The following BAIAP2L1 variants were observed in gnomAD, a reference collection of about 807,000 sequenced individuals.
BAIAP2L1 encodes the protein BAR/IMD domain containing adaptor protein 2 like 1.
Under a neutral mutation model 66.3 loss-of-function variants are expected in BAIAP2L1, and 35 were observed. The ratio of observed to expected loss-of-function variants is 0.53; its 90% CI spans 0.40 to 0.70. BAIAP2L1 has a LOEUF of 0.70. Among genes scored for constraint, BAIAP2L1 ranks in the 30% least tolerant of loss-of-function variants. BAIAP2L1 has a pLI of 0.00. For missense variants in BAIAP2L1, 622 were observed against 656.9 expected (o/e 0.95, Z 0.58); for synonymous variants, 269 against 248.7 (o/e 1.08, Z -0.77).
intron 2 of BAIAP2L1, among the ~76,000 whole-genome samples, chr7:98,357,411 A>G (rs1390120336): frequency 6.6e-6 from 1 of 151,370 alleles, no homozygotes; most frequent in African/African-American, 2.4e-5. Context: ...CACTAAAAAT[A>G]CAAAAATTAG....
chr7:98,379,131 A>G (rs1008632325), intron 1 of BAIAP2L1, among the ~76,000 whole-genome samples: 6 of 152,070 alleles, frequency 3.9e-5, no homozygotes, highest in African/African-American at 1.4e-4. Context: ...CGCCCGCTTC[A>G]GCCTCCCAAA....
chr7:98,377,220 T>G (rs1368469814), intron 1 of BAIAP2L1, among the ~76,000 whole-genome samples: 1 of 152,216 alleles, frequency 6.6e-6, no homozygotes, highest in Non-Finnish European at 1.5e-5. Context: ...CATCTATTTC[T>G]TGACTGACAG....
At chr7:98,387,551 C>T (rs566807827) in intron 1 of BAIAP2L1, among the ~76,000 whole-genome samples, 3 of 152,080 alleles carry the variant, frequency 2.0e-5, no homozygotes, top group East Asian at 1.9e-4. Context: ...TGCGCCACCA[C>T]GATAAGGGAT....
rs1055556437 is a variant in BAIAP2L1, at chr7:98,325,878, G to A, written c.215-5580C>T. ...GTCACCACACTGAATCAGTGCGGAG[G>A]CAGATGAGCAACCACAAACGTGATC... On this transcript the variant is annotated intron_variant, in intron 3 of 13. Transcript: ENST00000005260. 3.1e-4 allele frequency among the ~76,000 whole-genome samples: 47 copies of A among 152,336 alleles called. 1 individual carries two copies. The highest frequency in any genetic ancestry group is 1.1e-3 in the African/African-American group (46 of 41,592).
intron 3 of BAIAP2L1, among the ~76,000 whole-genome samples, chr7:98,330,428 C>T (rs185933111): frequency 8.5e-5 from 13 of 152,202 alleles, no homozygotes; most frequent in African/African-American, 2.9e-4. Context: ...GAGACCGAGG[C>T]GGGCGGATCA....
chr7:98,316,977 C>T (rs1801093536), intron 6 of BAIAP2L1, among the ~76,000 whole-genome samples: 1 of 54,332 alleles, frequency 1.8e-5, no homozygotes, highest in Non-Finnish European at 4.5e-5. Context: ...AATTCTCCTG[C>T]CTCAGCCTCC....
chr7:98,330,036 T>G (rs1801458542), intron 3 of BAIAP2L1, among the ~76,000 whole-genome samples: 4 of 152,170 alleles, frequency 2.6e-5, no homozygotes, highest in African/African-American at 9.7e-5. Context: ...TATCGTTAAA[T>G]CCATGCTAAC....
intron 1 of BAIAP2L1, among the ~76,000 whole-genome samples, chr7:98,377,248 G>A (rs1488795509): frequency 2.0e-5 from 3 of 152,104 alleles, no homozygotes; most frequent in South Asian, 2.1e-4. Flanking sequence ...CATGGCTTAC[G>A]AGCTTCTGCT....
chr7:98,333,525 G>C (rs928589406), intron 3 of BAIAP2L1, among the ~76,000 whole-genome samples: 12 of 152,040 alleles, frequency 7.9e-5, no homozygotes, highest in Non-Finnish European at 1.8e-4. Flanking sequence ...CTTCAACCTG[G>C]GAGGTGGAGG....
chr7:98,397,113 T>C (rs2115867999), intron 1 of BAIAP2L1, among the ~76,000 whole-genome samples: 1 of 151,982 alleles, frequency 6.6e-6, no homozygotes, highest in African/African-American at 2.4e-5. Context: ...TATTCTAAGG[T>C]AGTGTTATGG....
At chr7:98,348,739 G>A (rs1344455210) in intron 3 of BAIAP2L1, among the ~76,000 whole-genome samples, 6 of 152,188 alleles carry the variant, frequency 3.9e-5, no homozygotes, top group Admixed American at 2.0e-4. Flanking sequence ...CTTTGATACA[G>A]AAGCCACAAG....
At chr7:98,314,991 G>GT (rs1330017342) in intron 7 of BAIAP2L1, among the ~76,000 whole-genome samples, 1 of 152,210 alleles carries the variant, frequency 6.6e-6, no homozygotes, top group Non-Finnish European at 1.5e-5. Flanking sequence ...CATTTCAGCT[G>GT]TATTTCTATA....
chr7:98,296,720 G>A lies in BAIAP2L1; in HGVS notation c.1423-2609C>T, dbSNP rs1255385296. ...CAGATTTCCCGTTTAACATCTGCAT[G>A]TTTCTCAGGGACCTGAAACCCCAGC... is the stretch of plus-strand genomic sequence containing the variant. On this transcript the variant is annotated intron_variant, in intron 12 of 13. Coordinates refer to ENST00000005260, the MANE Select transcript of BAIAP2L1 (RefSeq NM_018842.5). 2.0e-5 allele frequency among the ~76,000 whole-genome samples: 3 copies of A among 152,240 alleles called. No individual in the cohort carries two copies. The East Asian group carries it at 5.8e-4, about 29-fold the overall frequency.
chr7:98,399,081 C>T (rs1224424017), intron 1 of BAIAP2L1, among the ~76,000 whole-genome samples: 1 of 152,166 alleles, frequency 6.6e-6, no homozygotes, highest in Non-Finnish European at 1.5e-5. Flanking sequence ...TTGGTCAGTA[C>T]CCCACACCTC....
At chr7:98,336,082 G>A (rs1801609694) in intron 3 of BAIAP2L1, among the ~76,000 whole-genome samples, 2 of 151,688 alleles carry the variant, frequency 1.3e-5, no homozygotes, top group African/African-American at 4.9e-5. Context: ...CTTATAAGTG[G>A]GACCTCCACA....
chr7:98,370,114 AAAG>A (rs1046971904), intron 1 of BAIAP2L1, among the ~76,000 whole-genome samples: 12 of 152,256 alleles, frequency 7.9e-5, no homozygotes, highest in Admixed American at 1.3e-4. Context: ...GGGAAAAAAA[AAAG>A]TTCAACTAAG....
chr7:98,331,551 C>T (rs1801495392), intron 3 of BAIAP2L1, among the ~76,000 whole-genome samples: 1 of 149,038 alleles, frequency 6.7e-6, no homozygotes, highest in South Asian at 2.1e-4. Flanking sequence ...TCACCGTGAC[C>T]TCCGCCTCCC....
At position 98,292,717 on chromosome 7, in the gene BAIAP2L1, G is replaced by C. The variant is rs568371199; in HGVS notation, c.*804C>G. 6.4e-7 allele frequency: 1 copy of C among 1,551,466 alleles called. No homozygotes were observed. The highest frequency in any genetic ancestry group is 2.4e-5 in the East Asian group (1 of 40,926). Reference sequence around the variant, plus strand: ...TCAAACACGGAGAAACCAGGACCCCGAGCAGTTTGAGTGTACTGGTAATGG... The same window carrying C: ...TCAAACACGGAGAAACCAGGACCCCCAGCAGTTTGAGTGTACTGGTAATGG... On this transcript the variant is annotated 3_prime_UTR_variant, in exon 14 of 14. Transcript: ENST00000005260.
intron 6 of BAIAP2L1, 107 bp downstream of exon 6, chr7:98,317,112 C>A (rs1347268737): frequency 1.8e-5 from 26 of 1,432,410 alleles, no homozygotes; most frequent in Non-Finnish European, 2.4e-5. Context: ...CTCGGCCTCC[C>A]AAAGTGCTGG....
Sources: gnomAD v4.1 joint callset for allele counts (sites outside exome capture counted in the v4.1 genomes callset) on GRCh38, gnomAD v4.1.1 for gene constraint, MANE v1.5 for transcripts, NCBI Gene and HGNC (gene_info 2026-07-23, HGNC 2026-07-21) for gene names.